CIMIP1: variants seen among roughly 807,000 people sequenced by gnomAD.
CIMIP1 encodes low in lung cancer 1.
chr20:58,151,667 C>T, the CIMIP1 span, among the ~76,000 whole-genome samples: 1 of 152,140 alleles, frequency 6.6e-6, no homozygotes, highest in Admixed American at 6.5e-5. Context: ...CCCGCCTCGG[C>T]CTCCCAAAGT....
chr20:58,153,278 A>G, the CIMIP1 span, among the ~76,000 whole-genome samples: 1 of 152,168 alleles, frequency 6.6e-6, no homozygotes, highest in African/African-American at 2.4e-5. Context: ...AAGGCTCCTC[A>G]GGCAGAATCG....
the CIMIP1 span, among the ~76,000 whole-genome samples, chr20:58,151,466 T>C: frequency 2.0e-5 from 3 of 152,074 alleles, no homozygotes; most frequent in Non-Finnish European, 4.4e-5. Context: ...CAGGCTGGAG[T>C]GCAGTGGCGC....
chr20:58,158,300 T>G, the CIMIP1 span, among the ~76,000 whole-genome samples: 1 of 152,156 alleles, frequency 6.6e-6, no homozygotes, highest in African/African-American at 2.4e-5. Context: ...GAACCTTGAT[T>G]CAGGCGAGAA....
At chr20:58,153,700 A>C in the CIMIP1 span, 2 of 1,108,188 alleles carry the variant, frequency 1.8e-6, no homozygotes, top group Non-Finnish European at 2.7e-6. Context: ...AAAGTCTATC[A>C]CTTGCAAGAA....
chr20:58,152,695 C>G, the CIMIP1 span, among the ~76,000 whole-genome samples: 3 of 140,746 alleles, frequency 2.1e-5, no homozygotes, highest in African/African-American at 5.5e-5. Flanking sequence ...GCACTCCATC[C>G]TAGGCAAAAA....
At chr20:58,151,056 C>T in the CIMIP1 span, 3 of 1,579,528 alleles carry the variant, frequency 1.9e-6, no homozygotes, top group South Asian at 2.3e-5. Context: ...TCGGGCAACG[C>T]GGTGGGCTCC....
chr20:58,153,449 T>C, the CIMIP1 span: 1 of 927,396 alleles, frequency 1.1e-6, no homozygotes, highest in Middle Eastern at 2.3e-4. Context: ...GCAGAACCAC[T>C]GCCCAGTCAA....
chr20:58,157,917 C>A, the CIMIP1 span, among the ~76,000 whole-genome samples: 2 of 152,146 alleles, frequency 1.3e-5, no homozygotes, highest in African/African-American at 4.8e-5. Context: ...TCTGCCAACT[C>A]CCTGCCTCCA....
the CIMIP1 span, chr20:58,153,465 G>A: frequency 1.8e-6 from 2 of 1,086,494 alleles, no homozygotes; most frequent in East Asian, 2.4e-5. Flanking sequence ...GTCAATGTTC[G>A]TGGAGAATGG....
the CIMIP1 span, among the ~76,000 whole-genome samples, chr20:58,151,425 GTTTT>G: frequency 6.6e-6 from 1 of 151,146 alleles, no homozygotes; most frequent in African/African-American, 2.4e-5. Flanking sequence ...TTGTTTGTTT[GTTTT>G]TTGAGATGGA....
At chr20:58,151,050 G>GTA in the CIMIP1 span, 51,125 of 1,591,858 alleles carry the variant, frequency 0.032, 1,046 homozygotes, top group African/African-American at 0.062. Context: ...CTGGGATCGG[G>GTA]CAACGCGGTG....
the CIMIP1 span, among the ~76,000 whole-genome samples, chr20:58,156,827 G>A: frequency 2.6e-5 from 4 of 152,080 alleles, no homozygotes; most frequent in East Asian, 1.9e-4. Context: ...GTGGTTCTGC[G>A]TGCTGATGGG....
chr20:58,160,813 C>A, the CIMIP1 span: 1 of 1,612,034 alleles, frequency 6.2e-7, no homozygotes, highest in Non-Finnish European at 8.5e-7. Flanking sequence ...CCAAGCAGGG[C>A]GTGCACTGAA....
the CIMIP1 span, among the ~76,000 whole-genome samples, chr20:58,159,622 G>A: frequency 2.0e-5 from 3 of 152,092 alleles, no homozygotes; most frequent in Admixed American, 1.3e-4. Flanking sequence ...GGTGAAACAT[G>A]ATGTCTCACA....
At chr20:58,160,677 C>T in the CIMIP1 span, 23 of 1,614,024 alleles carry the variant, frequency 1.4e-5, no homozygotes, top group Admixed American at 2.7e-4. Context: ...CCATCCCCCC[C>T]AGTCCCACAG....
chr20:58,160,847 G>T, the CIMIP1 span: 9 of 1,599,244 alleles, frequency 5.6e-6, no homozygotes, highest in African/African-American at 1.2e-4. Flanking sequence ...CTGCCCAGGG[G>T]TGCTGCATAT....
At chr20:58,160,276 C>G in the CIMIP1 span, among the ~76,000 whole-genome samples, 1 of 152,300 alleles carries the variant, frequency 6.6e-6, no homozygotes, top group South Asian at 2.1e-4. Flanking sequence ...AGAGGCTTCT[C>G]ATCGAAACAG....
the CIMIP1 span, chr20:58,150,960 G>A: frequency 5.6e-6 from 9 of 1,602,804 alleles, no homozygotes; most frequent in East Asian, 1.8e-4. Flanking sequence ...GAGCCCCCAG[G>A]CCTCATGGCG....
At chr20:58,153,464 C>T in the CIMIP1 span, 45 of 1,065,494 alleles carry the variant, frequency 4.2e-5, no homozygotes, top group South Asian at 5.1e-4. Context: ...AGTCAATGTT[C>T]GTGGAGAATG....
Sources: allele counts gnomAD v4.1 joint callset (sites outside exome capture counted in the v4.1 genomes callset), GRCh38; gene constraint gnomAD v4.1.1; transcripts MANE v1.5; gene names NCBI Gene and HGNC (gene_info 2026-07-23, HGNC 2026-07-21).